Variants in LGALS2 observed in about 807,000 individuals in gnomAD.
LGALS2 encodes the protein galectin-2.
Under a neutral mutation model 10.1 loss-of-function variants are expected in LGALS2, and 7 were observed. That is an observed-to-expected ratio of 0.70 (90% CI 0.40 to 1.31). The LOEUF (loss-of-function observed/expected upper bound fraction) is 1.31, where lower values mean the gene tolerates loss of function less well. LGALS2 is among the 50% of genes most tolerant of loss of function. The probability of loss-of-function intolerance (pLI) is 0.01; values close to 1 mark genes in which losing one functional copy is unlikely to be tolerated. For missense variants in LGALS2, 167 were observed against 163.6 expected (o/e 1.02, Z -0.11); for synonymous variants, 86 against 64.2 (o/e 1.34, Z -1.63).
Position 37,570,352 on chromosome 22 carries a change from T to G in LGALS2, c.310A>C (p.Thr104Pro), listed in dbSNP as rs775476691. The G allele has an allele frequency of 8.7e-6, 14 of 1,613,974 alleles. No individual in the cohort carries two copies. In the East Asian group the frequency reaches 2.9e-4, roughly 33 times the overall value. The change falls in exon 4 of 4, where the codon ACT becomes CCT. Residue 104 changes from threonine (T) to proline (P), a missense_variant. Thr to Pro is a conservative substitution (Grantham distance 38). Coordinates refer to ENST00000215886, the MANE Select transcript of LGALS2 (RefSeq NM_006498.3). ...KVKLPDGHEL[T>P]FPNRLGHSHL... ...CTGTGACCCAGCCTGTTGGGAAAAG[T>G]CAGCTCGTGCCCATCTGGCAGCTTC... is the stretch of plus-strand genomic sequence containing the variant.
chr22:37,573,539 G>A (rs927093831), intron 1 of LGALS2, among the ~76,000 whole-genome samples: 15 of 151,924 alleles, frequency 9.9e-5, no homozygotes, highest in Non-Finnish European at 2.1e-4. Context: ...TTCTATTTTT[G>A]TTGTTGTTGT....
At position 37,579,749 on chromosome 22, in the gene LGALS2, TA is replaced by T. The variant is rs35198515; in HGVS notation, c.6+150del. 1.8e-3 allele frequency: 1,378 copies of T among 779,558 alleles called. 9 individuals carry two copies. In the African/African-American group the frequency reaches 0.022, roughly 12 times the overall value. The allele number at this position is 779,558 out of a possible 1,614,324, so 48.3% of individuals were successfully genotyped here. On this transcript the variant is annotated intron_variant, in intron 1 of 3. Transcript: ENST00000215886. Reference sequence around the variant, plus strand: ...ACGCCTGGCCCAAGATGCTGTTTTTTAAAAAAAGACCTCTGTCCAACTTCTT... The same window carrying T: ...ACGCCTGGCCCAAGATGCTGTTTTTTAAAAAAGACCTCTGTCCAACTTCTT...
chr22:37,570,778 T>C, intron 2 of LGALS2, 43 bp from the exon 3 acceptor site: 2 of 1,612,240 alleles, frequency 1.2e-6, no homozygotes, highest in Non-Finnish European at 8.5e-7. Flanking sequence ...GGCTCAGGCC[T>C]GGATAAAGCA....
rs753464936 is a variant in LGALS2, at chr22:37,570,564, C to G, written c.249+12G>C. The G allele has an allele frequency of 1.2e-6, 2 of 1,614,214 alleles. No homozygotes were observed. Among genetic ancestry groups the G allele is most frequent in the Non-Finnish European group, 1.7e-6 (2 of 1,180,022 alleles). On this transcript the variant is annotated intron_variant, in intron 3 of 3. Transcript: ENST00000215886. ...GACATCACCCCAGTGCCCTTTCCCCCTTTGACCTCACCTTGACCTCTGACC... is the reference window on the plus strand; with the variant it reads ...GACATCACCCCAGTGCCCTTTCCCCGTTTGACCTCACCTTGACCTCTGACC...
intron 1 of LGALS2, among the ~76,000 whole-genome samples, chr22:37,573,789 G>A (rs958034446): frequency 1.3e-5 from 2 of 151,292 alleles, no homozygotes; most frequent in African/African-American, 2.4e-5. Flanking sequence ...GGAGTGCAAC[G>A]GTGCGATCTC....
intron 1 of LGALS2, among the ~76,000 whole-genome samples, chr22:37,572,769 A>AAAT (rs10633102): frequency 0.75 from 101,551 of 136,196 alleles, 39,866 homozygotes; most frequent in Non-Finnish European, 0.86. Context: ...TCCATCTCAA[A>AAAT]AATAATAATA....
intron 1 of LGALS2, among the ~76,000 whole-genome samples, chr22:37,579,263 A>AAAAAGAG (rs71195028): frequency 1.6e-5 from 2 of 121,278 alleles, no homozygotes; most frequent in African/African-American, 3.0e-5. Flanking sequence ...AAAAAAAAAA[A>AAAAAGAG]AGAGAAAGAA....
Position 37,571,433 on chromosome 22 carries a change from C to A in LGALS2, c.89+416G>T, listed in dbSNP as rs114637528. 3.0e-3 allele frequency among the ~76,000 whole-genome samples: 452 copies of A among 152,286 alleles called. 4 individuals are homozygous for A. The highest frequency in any genetic ancestry group is 0.01 in the African/African-American group (431 of 41,556). On this transcript the variant is annotated intron_variant, in intron 2 of 3. Coordinates refer to ENST00000215886, the MANE Select transcript of LGALS2 (RefSeq NM_006498.3). Reference sequence around the variant, plus strand: ...CTGGTTCTAACCAAGAGGATGCCAGCGAGACCACTCAGCCTCCCCTGGTGG... The same window carrying A: ...CTGGTTCTAACCAAGAGGATGCCAGAGAGACCACTCAGCCTCCCCTGGTGG...
chr22:37,575,156 G>C (rs1206702126), intron 1 of LGALS2, among the ~76,000 whole-genome samples: 1 of 151,086 alleles, frequency 6.6e-6, no homozygotes, highest in Non-Finnish European at 1.5e-5. Flanking sequence ...AAAGTTCTGG[G>C]ATTATAGGGG....
intron 1 of LGALS2, among the ~76,000 whole-genome samples, chr22:37,579,333 A>T (rs1383587112): frequency 2.0e-5 from 3 of 151,782 alleles, no homozygotes; most frequent in Non-Finnish European, 1.5e-5. Flanking sequence ...GCTACTCAAG[A>T]GGCTGAGGTG....
At position 37,580,076 on chromosome 22, in the gene LGALS2, C is replaced by T; in HGVS notation, c.-171G>A. 1.9e-6 allele frequency: 1 copy of T among 524,456 alleles called. No individual in the cohort carries two copies. The highest frequency in any genetic ancestry group is 3.4e-6 in the Non-Finnish European group (1 of 296,656). 32.5% of individuals were successfully genotyped at this position (524,456 alleles called of 1,614,324 possible). ...CTCCCCGCCTGCATCTCCCAGTACC[C>T]AGCACAAACAGGCAGAAGACTCCTC... On this transcript the variant is annotated 5_prime_UTR_variant, in exon 1 of 4. Transcript: ENST00000215886.
At chr22:37,579,376 G>A (rs1355625028) in intron 1 of LGALS2, among the ~76,000 whole-genome samples, 7 of 151,928 alleles carry the variant, frequency 4.6e-5, no homozygotes, top group South Asian at 2.1e-4. Context: ...GGTCAAGTCC[G>A]TAGTGAGTTA....
At chr22:37,575,911 G>A (rs913478555) in intron 1 of LGALS2, among the ~76,000 whole-genome samples, 2 of 152,154 alleles carry the variant, frequency 1.3e-5, no homozygotes, top group African/African-American at 4.8e-5. Flanking sequence ...CTTTGTTGGG[G>A]TCTGTCTCTT....
At chr22:37,579,879 G>T in intron 1 of LGALS2, 21 bp downstream of exon 1, 2 of 1,607,866 alleles carry the variant, frequency 1.2e-6, no homozygotes, top group South Asian at 1.1e-5. Flanking sequence ...GGGGCAGGCA[G>T]CAGGGGGCTA....
intron 2 of LGALS2, 74 bp from the exon 3 acceptor site, chr22:37,570,809 G>C (rs1042025839): frequency 1.3e-6 from 2 of 1,528,236 alleles, no homozygotes; most frequent in Non-Finnish European, 9.1e-7. Context: ...GAGGACCTTG[G>C]TTGACCACAA....
At chr22:37,579,559 A>G (rs572884130) in intron 1 of LGALS2, among the ~76,000 whole-genome samples, 2 of 151,974 alleles carry the variant, frequency 1.3e-5, no homozygotes. Context: ...CAGCCTCCCC[A>G]TTAGCTGGGA....
chr22:37,574,057 T>C (rs1925586907), intron 1 of LGALS2, among the ~76,000 whole-genome samples: 1 of 152,180 alleles, frequency 6.6e-6, no homozygotes, highest in South Asian at 2.1e-4. Flanking sequence ...TCTTTTTTTC[T>C]GGACAGTGGT....
chr22:37,576,451 C>CAAAA (rs55951617), intron 1 of LGALS2, among the ~76,000 whole-genome samples: 7 of 108,298 alleles, frequency 6.5e-5, no homozygotes, highest in East Asian at 6.1e-4. Context: ...GACTCCGTCT[C>CAAAA]AAAAAAAAAA....
chr22:37,574,387 A>T (rs150402837), intron 1 of LGALS2, among the ~76,000 whole-genome samples: 2,688 of 151,776 alleles, frequency 0.018, 36 homozygotes, highest in Non-Finnish European at 0.024. Flanking sequence ...GTGGTGGCAC[A>T]TGCCTGTCGT....
Sources: gnomAD v4.1 joint callset for allele counts (sites outside exome capture counted in the v4.1 genomes callset) on GRCh38, gnomAD v4.1.1 for gene constraint, MANE v1.5 for transcripts, NCBI Gene and HGNC (gene_info 2026-07-23, HGNC 2026-07-21) for gene names.